The following NCKAP5 variants were observed in gnomAD, a reference collection of about 807,000 sequenced individuals.
NCKAP5 encodes the protein NCK associated protein 5, also known as nck-associated protein 5.
NCKAP5 carries 92 observed loss-of-function variants against 167.0 expected under a neutral mutation model. The ratio of observed to expected loss-of-function variants is 0.55; its 90% CI spans 0.47 to 0.66. NCKAP5 has a LOEUF of 0.66. Among genes scored for constraint, NCKAP5 ranks in the 30% least tolerant of loss-of-function variants. NCKAP5 has a pLI of 0.00. For synonymous variants in NCKAP5, 891 were observed against 877.4 expected, an observed-to-expected ratio of 1.02 and a Z score of -0.27; for missense variants, 2,378 against 2,315.0, an observed-to-expected ratio of 1.03 and a Z score of -0.56.
chr2:132,909,330 A>G (rs1694255954), intron 8 of NCKAP5, among the ~76,000 whole-genome samples: 1 of 152,144 alleles, frequency 6.6e-6, no homozygotes, highest in Non-Finnish European at 1.5e-5. Flanking sequence ...TGGGTGACAG[A>G]GCAATACTCC....
At chr2:133,132,877 G>T (rs1341532409) in intron 5 of NCKAP5, among the ~76,000 whole-genome samples, 1 of 151,776 alleles carries the variant, frequency 6.6e-6, no homozygotes. Flanking sequence ...AGGGTTTCTC[G>T]ATGTTAGCCA....
chr2:133,273,332 G>A (rs1338806349), intron 4 of NCKAP5, among the ~76,000 whole-genome samples: 2 of 152,148 alleles, frequency 1.3e-5, no homozygotes, highest in Non-Finnish European at 2.9e-5. Context: ...TCATTTGTAT[G>A]TGTCTTCTTT....
chr2:133,482,168 A>G lies in NCKAP5; in HGVS notation c.69+35290T>C, dbSNP rs114939516. Among the ~76,000 whole-genome samples, 596 of 152,152 alleles carry G rather than the reference A, an allele frequency of 3.9e-3. 5 individuals carry two copies. Among genetic ancestry groups the G allele is most frequent in the African/African-American group, 0.013 (533 of 41,514 alleles). Reference sequence around the variant, plus strand: ...AAATGACATGATTTTATTATTTCTAATGGGTGAATAGTATTACATTGTGTA... The same window carrying G: ...AAATGACATGATTTTATTATTTCTAGTGGGTGAATAGTATTACATTGTGTA... On this transcript the variant is annotated intron_variant, in intron 3 of 19. Transcript: ENST00000409261.
At chr2:132,884,167 G>A (rs778142864) in intron 8 of NCKAP5, among the ~76,000 whole-genome samples, 3 of 152,190 alleles carry the variant, frequency 2.0e-5, no homozygotes, top group Admixed American at 6.5e-5. Flanking sequence ...TCCCTCAGGT[G>A]GGATCCTGCC....
chr2:133,225,875 C>T (rs2086864644), intron 4 of NCKAP5, among the ~76,000 whole-genome samples: 1 of 147,812 alleles, frequency 6.8e-6, no homozygotes, highest in Non-Finnish European at 1.5e-5. Context: ...CTCTGACTCC[C>T]GGGTTCAAGA....
chr2:133,565,506 G>A (rs1688481648), intron 1 of NCKAP5, among the ~76,000 whole-genome samples: 1 of 152,330 alleles, frequency 6.6e-6, no homozygotes, highest in Non-Finnish European at 1.5e-5. Flanking sequence ...GGATCATAAA[G>A]CCGGCAAGTG....
At chr2:133,421,444 A>G (rs1437914076) in intron 3 of NCKAP5, among the ~76,000 whole-genome samples, 1 of 152,202 alleles carries the variant, frequency 6.6e-6, no homozygotes, top group Non-Finnish European at 1.5e-5. Flanking sequence ...TCACTTTAAG[A>G]GGTTACATTA....
At chr2:133,188,510 C>G (rs2085056725) in intron 5 of NCKAP5, among the ~76,000 whole-genome samples, 1 of 152,012 alleles carries the variant, frequency 6.6e-6, no homozygotes, top group East Asian at 1.9e-4. Flanking sequence ...CGCACTTATT[C>G]CAAAACTGAC....
At chr2:133,441,546 C>G (rs901113444) in intron 3 of NCKAP5, among the ~76,000 whole-genome samples, 3 of 152,126 alleles carry the variant, frequency 2.0e-5, no homozygotes, top group African/African-American at 7.2e-5. Context: ...GTACAAATTG[C>G]CCATGTAATC....
At chr2:132,692,154 A>ATTTTATTTTATTTCATTTTT (rs1553472635) in intron 19 of NCKAP5, among the ~76,000 whole-genome samples, 1 of 141,764 alleles carries the variant, frequency 7.1e-6, no homozygotes, top group African/African-American at 2.9e-5. Flanking sequence ...ATTTTATTTT[A>ATTTTATTTTATTTCATTTTT]TTTTTTGAGA....
At chr2:132,966,693 TA>T (rs1405665187) in intron 7 of NCKAP5, among the ~76,000 whole-genome samples, 1 of 152,190 alleles carries the variant, frequency 6.6e-6, no homozygotes, top group Non-Finnish European at 1.5e-5. Flanking sequence ...ACCTTACATT[TA>T]ACATATACTG....
rs186555141 is a variant in NCKAP5 at position 133,269,427 on chromosome 2, G to A, written c.143+33610C>T. On this transcript the variant is annotated intron_variant, in intron 4 of 19. Coordinates refer to ENST00000409261, the MANE Select transcript of NCKAP5 (RefSeq NM_207363.3). Reference sequence around the variant, plus strand: ...GTAAAAATCTCACTGAGAATGCTAAGCCTGAATGAATGATTAAAGGAGGTG... The same window carrying A: ...GTAAAAATCTCACTGAGAATGCTAAACCTGAATGAATGATTAAAGGAGGTG... 1.6e-4 allele frequency among the ~76,000 whole-genome samples: 25 copies of A among 152,280 alleles called. No individual in the cohort carries two copies. The East Asian group carries it at 4.6e-3, about 28-fold the overall frequency.
chr2:133,237,298 C>A (rs532130038), intron 4 of NCKAP5, among the ~76,000 whole-genome samples: 3 of 152,032 alleles, frequency 2.0e-5, no homozygotes, highest in Non-Finnish European at 4.4e-5. Context: ...GAGTTAAGAC[C>A]ACTTTAATCC....
chr2:133,123,133 C>A (rs549341636), intron 6 of NCKAP5: 1 of 152,220 alleles, frequency 6.6e-6, no homozygotes, highest in Non-Finnish European at 1.5e-5. Context: ...ATGACTTTCA[C>A]GTTGTCTACT....
chr2:132,859,169 T>A (rs887113950), intron 11 of NCKAP5, among the ~76,000 whole-genome samples: 5 of 152,196 alleles, frequency 3.3e-5, no homozygotes, highest in Non-Finnish European at 7.3e-5. Context: ...TGTTCAAACA[T>A]ATAAGGCAGA....
chr2:133,465,757 C>T (rs1287442104), intron 3 of NCKAP5, among the ~76,000 whole-genome samples: 1 of 151,856 alleles, frequency 6.6e-6, no homozygotes, highest in Non-Finnish European at 1.5e-5. Context: ...CTCTGATGGC[C>T]AGTGATGATG....
At chr2:132,868,379 T>C (rs775512208) in intron 10 of NCKAP5, among the ~76,000 whole-genome samples, 3 of 152,162 alleles carry the variant, frequency 2.0e-5, no homozygotes, top group Admixed American at 1.3e-4. Flanking sequence ...AGCAAACTCA[T>C]AGGTATGGAA....
intron 8 of NCKAP5, among the ~76,000 whole-genome samples, chr2:132,935,521 C>CA (rs1342648733): frequency 1.3e-5 from 2 of 151,836 alleles, no homozygotes; most frequent in African/African-American, 4.8e-5. Flanking sequence ...CTTTCTGGGA[C>CA]AGGAAATTAT....
chr2:133,223,232 C>T (rs891688462), intron 4 of NCKAP5, among the ~76,000 whole-genome samples: 4 of 152,116 alleles, frequency 2.6e-5, no homozygotes, highest in Admixed American at 2.6e-4. Context: ...CCTTGGGGTA[C>T]AGAGTCATAC....
Sources: allele counts gnomAD v4.1 joint callset (sites outside exome capture counted in the v4.1 genomes callset), GRCh38; gene constraint gnomAD v4.1.1; transcripts MANE v1.5; gene names NCBI Gene and HGNC (gene_info 2026-07-23, HGNC 2026-07-21).